Variants in TMEM131L observed in about 807,000 individuals in gnomAD.
The protein encoded by TMEM131L is transmembrane protein 131-like.
A neutral mutation model predicts 192.2 loss-of-function variants in TMEM131L; 54 were observed. That is an observed-to-expected ratio of 0.28 (90% confidence interval 0.23 to 0.35). The LOEUF is 0.35. TMEM131L is among the 10% of genes least tolerant of loss of function. The pLI, the probability that TMEM131L is intolerant of heterozygous loss-of-function variation, is 1.00. For synonymous variants in TMEM131L, 701 were observed against 704.9 expected (o/e 0.99, Z 0.09); for missense variants, 1,888 against 1,972.9 (o/e 0.96, Z 0.82).
intron 3 of TMEM131L, among the ~76,000 whole-genome samples, chr4:153,546,335 G>A (rs1419215108): frequency 6.6e-6 from 1 of 151,866 alleles, no homozygotes; most frequent in Non-Finnish European, 1.5e-5. Flanking sequence ...CAGGTTGTGG[G>A]GACTCCTAAG....
intron 25 of TMEM131L, among the ~76,000 whole-genome samples, chr4:153,608,979 C>T (rs1322719568): frequency 1.3e-5 from 2 of 152,132 alleles, no homozygotes; most frequent in Non-Finnish European, 2.9e-5. Context: ...CTCCCAACGT[C>T]TTCTCCTGCC....
At chr4:153,494,862 AC>A (rs750757622) in intron 3 of TMEM131L, among the ~76,000 whole-genome samples, 72 of 152,154 alleles carry the variant, frequency 4.7e-4, no homozygotes, top group Non-Finnish European at 1.0e-3. Flanking sequence ...TTGCTCTGAG[AC>A]CAGTGCATTG....
intron 3 of TMEM131L, among the ~76,000 whole-genome samples, chr4:153,490,161 T>C (rs1222761187): frequency 6.6e-6 from 1 of 152,208 alleles, no homozygotes. Flanking sequence ...GAATAGCTGC[T>C]GTTACTGTGA....
At chr4:153,504,941 G>A (rs1236474794) in intron 3 of TMEM131L, among the ~76,000 whole-genome samples, 2 of 152,150 alleles carry the variant, frequency 1.3e-5, no homozygotes, top group East Asian at 1.9e-4. Context: ...TTCCAGGGGG[G>A]CATGTGTGAG....
At chr4:153,537,379 A>C (rs972026095) in intron 3 of TMEM131L, among the ~76,000 whole-genome samples, 1 of 152,260 alleles carries the variant, frequency 6.6e-6, no homozygotes, top group African/African-American at 2.4e-5. Flanking sequence ...AGTGCAAAGC[A>C]AAAGCAGGTT....
At chr4:153,606,920 T>C (rs1409196822) in intron 25 of TMEM131L, among the ~76,000 whole-genome samples, 1 of 152,200 alleles carries the variant, frequency 6.6e-6, no homozygotes, top group Admixed American at 6.5e-5. Flanking sequence ...TAGCAGGAGA[T>C]TCCTCCCAGG....
intron 7 of TMEM131L, among the ~76,000 whole-genome samples, chr4:153,572,072 A>G (rs1256069967): frequency 6.6e-6 from 1 of 151,928 alleles, no homozygotes; most frequent in African/African-American, 2.4e-5. Context: ...GGCATGTAAT[A>G]ATTGTACTTA....
Position 153,529,360 on chromosome 4 carries a change from G to T in TMEM131L, c.240-20713G>T, listed in dbSNP as rs375866922. On this transcript the variant is annotated intron_variant, in intron 3 of 34. Transcript: ENST00000409959. ...GAAAGTAAAATTTCCACTAAAATTG[G>T]CAAGCTTTTGTGGGTGTACCTGTTT... Among the ~76,000 whole-genome samples, 44 of 152,260 alleles carry T rather than the reference G, an allele frequency of 2.9e-4. No individual in the cohort carries two copies. In the East Asian group the frequency reaches 4.6e-3, roughly 16 times the overall value.
rs1263421782 is a variant in TMEM131L, at chr4:153,603,815, A to T, written c.2803A>T (p.Asn935Tyr). Reference sequence around the variant, plus strand: ...TCTTAAATTCAGAAGCAATTGCAAGAACTTTCTCGATACATATGGCCCCTC... The same window carrying T: ...TCTTAAATTCAGAAGCAATTGCAAGTACTTTCTCGATACATATGGCCCCTC... ...SPHSYKSNCK[N>Y]FLDTYGPSDK... The change falls in exon 25 of 35, where the codon AAC becomes TAC. Residue 935 changes from asparagine (N) to tyrosine (Y), a missense_variant. Physicochemically the swap from Asn to Tyr is moderately radical, Grantham distance 143. Coordinates refer to ENST00000409959, the MANE Select transcript of TMEM131L (RefSeq NM_001131007.2). 6.3e-7 allele frequency: 1 copy of T among 1,578,498 alleles called. No homozygotes were observed. The highest frequency in any genetic ancestry group is 8.6e-7 in the Non-Finnish European group (1 of 1,168,144).
intron 33 of TMEM131L, among the ~76,000 whole-genome samples, chr4:153,634,970 A>C (rs763151471): frequency 6.6e-6 from 1 of 152,092 alleles, no homozygotes; most frequent in Non-Finnish European, 1.5e-5. Flanking sequence ...GAATGTTATG[A>C]TTGTGAGGGT....
At chr4:153,635,373 G>T in intron 33 of TMEM131L, 59 bp from the exon 34 acceptor site, 2 of 1,553,488 alleles carry the variant, frequency 1.3e-6, no homozygotes, top group South Asian at 1.1e-5. Context: ...GCCTGAGAGT[G>T]AGAATTCAGT....
intron 8 of TMEM131L, 43 bp from the exon 9 acceptor site, chr4:153,581,364 G>T: frequency 6.8e-7 from 1 of 1,460,412 alleles, no homozygotes; most frequent in Non-Finnish European, 9.1e-7. Flanking sequence ...ACAAAGTTGA[G>T]ATGATTTTTT....
chr4:153,592,621 G>T lies in TMEM131L; in HGVS notation c.1922+37G>T, dbSNP rs370939836. 5 of 1,372,566 alleles carry T rather than the reference G, an allele frequency of 3.6e-6. No homozygotes were observed. The African/African-American group carries it at 7.1e-5, about 20-fold the overall frequency. 85.0% of individuals were successfully genotyped at this position (1,372,566 alleles called of 1,614,324 possible). ...TTTTTTCTGAGAGGCAGTTTGGGAA[G>T]TACTTGGGAAGACTTAGAATTACTT... On this transcript the variant is annotated intron_variant, in intron 18 of 34. Transcript: ENST00000409959.
chr4:153,568,162 C>T (rs1185666576), intron 7 of TMEM131L, among the ~76,000 whole-genome samples: 2 of 152,074 alleles, frequency 1.3e-5, no homozygotes, highest in Non-Finnish European at 2.9e-5. Context: ...AGTGAGAATG[C>T]TTCTGTGGAA....
intron 3 of TMEM131L, among the ~76,000 whole-genome samples, chr4:153,536,866 T>C (rs570086663): frequency 6.6e-6 from 1 of 152,248 alleles, no homozygotes; most frequent in African/African-American, 2.4e-5. Flanking sequence ...CTGAAGAACT[T>C]GGGAGTCTGA....
intron 7 of TMEM131L, among the ~76,000 whole-genome samples, chr4:153,577,730 G>A (rs1051520876): frequency 6.6e-6 from 1 of 152,182 alleles, no homozygotes; most frequent in Non-Finnish European, 1.5e-5. Context: ...TTATGGATTT[G>A]TTTGAGGAGA....
chr4:153,635,961 C>T (rs182668805), intron 34 of TMEM131L, among the ~76,000 whole-genome samples: 1 of 152,264 alleles, frequency 6.6e-6, no homozygotes, highest in African/African-American at 2.4e-5. Flanking sequence ...TGGTCAGGGT[C>T]CCAGAGCTCC....
Position 153,580,162 on chromosome 4 carries a change from G to A in TMEM131L, c.661-664G>A, listed in dbSNP as rs1272904245. The stretch of plus-strand genomic sequence containing the variant: ...TGTAGCCCCCACCCTCCTACCCAAG[G>A]TTGTATCCCTTGATTTGATTTTTCA... On this transcript the variant is annotated intron_variant, in intron 7 of 34. Coordinates refer to ENST00000409959, the MANE Select transcript of TMEM131L (RefSeq NM_001131007.2). Among the ~76,000 whole-genome samples, 3 of 152,258 alleles carry A rather than the reference G, an allele frequency of 2.0e-5. No individual in the cohort carries two copies. In the South Asian group the frequency reaches 6.2e-4, roughly 32 times the overall value.
intron 3 of TMEM131L, among the ~76,000 whole-genome samples, chr4:153,480,407 C>CT (rs1468928081): frequency 1.3e-5 from 2 of 150,952 alleles, no homozygotes; most frequent in African/African-American, 2.4e-5. Context: ...GTAGTCCCAG[C>CT]TACTCCAGAG....
Sources: gnomAD v4.1 joint callset for allele counts (sites outside exome capture counted in the v4.1 genomes callset) on GRCh38, gnomAD v4.1.1 for gene constraint, MANE v1.5 for transcripts, NCBI Gene and HGNC (gene_info 2026-07-23, HGNC 2026-07-21) for gene names.